Variants in ASS1 observed in about 807,000 individuals in gnomAD.
The protein encoded by ASS1 is argininosuccinate synthase.
A neutral mutation model predicts 60.5 loss-of-function variants in ASS1; 58 were observed. The ratio of observed to expected loss-of-function variants is 0.96; its 90% CI spans 0.78 to 1.19. The LOEUF is 1.19. Among genes scored for constraint, ASS1 ranks in the 50% most tolerant of loss-of-function variants. The pLI is 0.00. For synonymous variants in ASS1, 200 were observed against 206.9 expected, an observed-to-expected ratio of 0.97 and a Z score of 0.29; for missense variants, 454 against 547.3, an observed-to-expected ratio of 0.83 and a Z score of 1.70.
In ASS1 at chr9:130,458,491, C is replaced by G. The variant is rs1277427690; in HGVS notation, c.265C>G (p.Leu89Val). 6.2e-7 allele frequency: 1 copy of G among 1,612,764 alleles called. No homozygotes were observed. The highest frequency in any genetic ancestry group is 1.1e-5 in the South Asian group (1 of 91,016). ...CGCACTGTATGAGGACCGCTACCTC[C>G]TGGGCACCTCTCTTGCCAGGCCCTG... The part of the protein sequence containing the change: ...SSALYEDRYL[L>V]GTSLARPCIA... Residue 89 changes from leucine (L) to valine (V), a missense_variant, in exon 4 of 15, where the codon CTG becomes GTG. Leu to Val is a conservative substitution (Grantham distance 32, BLOSUM62 1). Coordinates refer to ENST00000352480, the MANE Select transcript of ASS1 (RefSeq NM_054012.4).
chr9:130,476,962 G>A lies in ASS1; in HGVS notation c.688+1G>A. 2 of 1,613,646 alleles carry A rather than the reference G, an allele frequency of 1.2e-6. No homozygotes were observed. Among genetic ancestry groups the A allele is most frequent in the Non-Finnish European group, 1.7e-6 (2 of 1,179,594 alleles). ...ATTCTCGAGATCGAGTTCAAAAAAG[G>A]TATGTGCCCACCTGTTGGGACTCGA... On this transcript the variant is annotated splice_donor_variant, in intron 9 of 14. Transcript: ENST00000352480. LOFTEE classifies it high-confidence loss of function. This position sits in a 1 kb window ranked among gnomAD's most constrained non-coding sequence, Gnocchi z 4.9.
Position 130,489,841 on chromosome 9 carries a change from C to A in ASS1, c.970+377C>A, listed in dbSNP as rs1420465854. 1.3e-5 allele frequency among the ~76,000 whole-genome samples: 2 copies of A among 152,252 alleles called. No individual in the cohort carries two copies. On this transcript the variant is annotated intron_variant, in intron 12 of 14. Coordinates refer to ENST00000352480, the MANE Select transcript of ASS1 (RefSeq NM_054012.4). This position sits in a 1 kb window ranked among gnomAD's most constrained non-coding sequence, Gnocchi z 4.1. ...CAACTTTCCCAGGAGGTCTGCAGCT[C>A]CTTGTACACGAGGAAACTGAGGCTC...
At chr9:130,461,215 T>TGA (rs1243322456) in intron 4 of ASS1, among the ~76,000 whole-genome samples, 1 of 142,860 alleles carries the variant, frequency 7.0e-6, no homozygotes, top group Non-Finnish European at 1.5e-5. Flanking sequence ...GGTGGGTGGG[T>TGA]GAGTATGGGT....
chr9:130,471,070 G>A (rs1845856264), intron 7 of ASS1, among the ~76,000 whole-genome samples, 166 bp downstream of exon 7: 1 of 152,214 alleles, frequency 6.6e-6, no homozygotes, highest in African/African-American at 2.4e-5. Flanking sequence ...CTCATGCACT[G>A]CCCTCATTGC....
chr9:130,465,047 TA>T (rs1564906869), intron 5 of ASS1, among the ~76,000 whole-genome samples: 113 of 104,166 alleles, frequency 1.1e-3, no homozygotes, highest in African/African-American at 3.1e-3. Context: ...TATATATATA[TA>T]TATATATATT....
rs181215082 is a variant in ASS1 at position 130,477,825 on chromosome 9, C to T, written c.688+864C>T. On this transcript the variant is annotated intron_variant, in intron 9 of 14. Coordinates refer to ENST00000352480, the MANE Select transcript of ASS1 (RefSeq NM_054012.4). This position sits in a 1 kb window ranked among gnomAD's most constrained non-coding sequence, Gnocchi z 4.2. ...GCTGGCCCATTCGTCCACAAAGTGG[C>T]TGCCCACACTGGAGCTGGGATGAGA... 1.0e-3 allele frequency among the ~76,000 whole-genome samples: 154 copies of T among 152,328 alleles called. No individual in the cohort carries two copies. Among genetic ancestry groups the T allele is most frequent in the African/African-American group, 3.6e-3 (149 of 41,578 alleles).
At chr9:130,479,352 C>T (rs903986376) in intron 9 of ASS1, among the ~76,000 whole-genome samples, 2 of 152,058 alleles carry the variant, frequency 1.3e-5, no homozygotes, top group African/African-American at 4.8e-5. Context: ...GGCCAGGCGG[C>T]CCCCGGGTGA....
intron 10 of ASS1, 108 bp downstream of exon 10, chr9:130,479,908 C>A: frequency 8.0e-7 from 1 of 1,257,504 alleles, no homozygotes; most frequent in Non-Finnish European, 1.2e-6. Flanking sequence ...GGGTGCGGAG[C>A]ACAGGCCATG....
At chr9:130,448,348 A>G (rs1351977905) in intron 1 of ASS1, among the ~76,000 whole-genome samples, 1 of 151,864 alleles carries the variant, frequency 6.6e-6, no homozygotes, top group East Asian at 2.0e-4. Flanking sequence ...GCCCAAACAC[A>G]TCACACACAT....
chr9:130,452,246 C>A lies in ASS1; in HGVS notation c.18C>A (p.Ser6=). The stretch of plus-strand genomic sequence containing the variant: ...CAGACGCTATGTCCAGCAAAGGCTC[C>A]GTGGTTCTGGCCTACAGTGGCGGCC... The part of the protein sequence containing the change: MSSKG[S]VVLAYSGGLD... The change falls in exon 2 of 15, where the codon TCC becomes TCA. Residue 6 remains serine (S), a synonymous_variant. Coordinates refer to ENST00000352480, the MANE Select transcript of ASS1 (RefSeq NM_054012.4). The A allele has an allele frequency of 1.9e-6, 3 of 1,614,214 alleles. No individual in the cohort carries two copies. Among genetic ancestry groups the A allele is most frequent in the Non-Finnish European group, 2.5e-6 (3 of 1,180,038 alleles).
At chr9:130,493,495 G>A (rs879860778) in intron 12 of ASS1, among the ~76,000 whole-genome samples, 3 of 152,076 alleles carry the variant, frequency 2.0e-5, no homozygotes, top group Non-Finnish European at 4.4e-5. Flanking sequence ...TCTACTCTCC[G>A]TGCTTGGCCC....
intron 2 of ASS1, among the ~76,000 whole-genome samples, chr9:130,453,656 G>C (rs1025631690): frequency 6.6e-6 from 1 of 152,238 alleles, no homozygotes; most frequent in African/African-American, 2.4e-5. Context: ...CTGCAGCTGG[G>C]CTTTGGCAAG....
intron 5 of ASS1, among the ~76,000 whole-genome samples, chr9:130,465,526 T>C (rs56945351): frequency 0.064 from 9,806 of 152,318 alleles, 1,026 homozygotes; most frequent in African/African-American, 0.22. Flanking sequence ...GCTAGCTGGC[T>C]GGATTTCAGG....
chr9:130,497,665 G>A (rs1049050002), intron 13 of ASS1, among the ~76,000 whole-genome samples: 6 of 152,230 alleles, frequency 3.9e-5, no homozygotes, highest in Non-Finnish European at 8.8e-5. Flanking sequence ...GGCTGCCAGG[G>A]CAGCTGGGAA....
At chr9:130,471,183 G>A (rs933557819) in intron 7 of ASS1, among the ~76,000 whole-genome samples, 2 of 152,316 alleles carry the variant, frequency 1.3e-5, no homozygotes, top group Non-Finnish European at 2.9e-5. Context: ...GGATGGAGAA[G>A]AGGCCCAGAT....
chr9:130,455,696 T>A (rs1210640863), intron 3 of ASS1, among the ~76,000 whole-genome samples: 1 of 152,184 alleles, frequency 6.6e-6, no homozygotes, highest in Non-Finnish European at 1.5e-5. Flanking sequence ...TCACTCCCCA[T>A]GGAGAAGCCC....
chr9:130,493,400 G>A (rs745514396), intron 12 of ASS1, among the ~76,000 whole-genome samples: 15 of 152,348 alleles, frequency 9.8e-5, no homozygotes, highest in African/African-American at 1.7e-4. Context: ...TGAGGAAACC[G>A]AGGCACAGGG....
In ASS1 at chr9:130,489,031, G is replaced by A. The variant is rs7036163; in HGVS notation, c.839-302G>A. 0.097 allele frequency among the ~76,000 whole-genome samples: 14,805 copies of A among 152,080 alleles called. 800 individuals carry two copies. Among genetic ancestry groups the A allele is most frequent in the Non-Finnish European group, 0.1 (7,070 of 67,978 alleles). On this transcript the variant is annotated intron_variant, in intron 11 of 14. Coordinates refer to ENST00000352480, the MANE Select transcript of ASS1 (RefSeq NM_054012.4). The surrounding 1 kb of genome is among the most constrained non-coding windows in gnomAD (Gnocchi z 4.1). ...CTTTCAACCTCGGGCCGGTGGGCACGCATGGGGAGGGAGGGGTTGCTGCTC... is the reference window on the plus strand; with the variant it reads ...CTTTCAACCTCGGGCCGGTGGGCACACATGGGGAGGGAGGGGTTGCTGCTC...
chr9:130,462,905 A>G (rs1845637177), intron 4 of ASS1, among the ~76,000 whole-genome samples: 1 of 152,198 alleles, frequency 6.6e-6, no homozygotes, highest in Admixed American at 6.5e-5. Context: ...GGCCCTGGGC[A>G]AGTGGCTGCA....
Sources: gnomAD v4.1 joint callset for allele counts (sites outside exome capture counted in the v4.1 genomes callset) on GRCh38, gnomAD v4.1.1 for gene constraint, Gnocchi (gnomAD v3.1) non-coding constraint, MANE v1.5 for transcripts, NCBI Gene and HGNC (gene_info 2026-07-23, HGNC 2026-07-21) for gene names.